Variants in DHX30 observed in about 807,000 individuals in gnomAD.
The protein encoded by DHX30 is DExH-box helicase 30.
Under a neutral mutation model 116.9 loss-of-function variants are expected in DHX30, and 4 were observed. That is an observed-to-expected ratio of 0.03 (90% CI 0.02 to 0.08). DHX30 has a LOEUF of 0.08. Among genes scored for constraint, DHX30 ranks in the 10% least tolerant of loss-of-function variants. The probability of loss-of-function intolerance (pLI) is 1.00; values close to 1 mark genes in which losing one functional copy is unlikely to be tolerated. For missense variants in DHX30, 871 were observed against 1,595.1 expected, an observed-to-expected ratio of 0.55 and a Z score of 7.73; for synonymous variants, 697 against 651.7, an observed-to-expected ratio of 1.07 and a Z score of -1.06.
chr3:47,804,054 G>C (rs1415819672), intron 1 of DHX30, among the ~76,000 whole-genome samples: 1 of 152,168 alleles, frequency 6.6e-6, no homozygotes, highest in Admixed American at 6.5e-5. Context: ...GACGTTGTCT[G>C]GTGATTTCCC....
At position 47,846,188 on chromosome 3, in the gene DHX30, C is replaced by A. The variant is rs769188625; in HGVS notation, c.1116C>A (p.Ile372=). ...LNHYPVESSW[I]APELRLQSDD... The stretch of plus-strand genomic sequence containing the variant: ...AGTACCCTGTGGAGAGTTCATGGAT[C>A]GCCCCAGAACTCCGGCTGCAGAGTG... Residue 372 remains isoleucine, a synonymous_variant, in exon 11 of 22, where the codon ATC becomes ATA. Transcript: ENST00000445061. 8 of 1,613,346 alleles carry A rather than the reference C, an allele frequency of 5.0e-6. No individual in the cohort carries two copies. The highest frequency in any genetic ancestry group is 6.8e-6 in the Non-Finnish European group (8 of 1,179,934).
intron 3 of DHX30, among the ~76,000 whole-genome samples, chr3:47,813,480 G>T (rs1409228762): frequency 6.6e-6 from 1 of 152,236 alleles, no homozygotes; most frequent in East Asian, 1.9e-4. Flanking sequence ...AGGAGGTAAA[G>T]TAGCCTGTGG....
chr3:47,825,316 C>A, intron 4 of DHX30: 1 of 536,366 alleles, frequency 1.9e-6, no homozygotes, highest in South Asian at 2.3e-5. Flanking sequence ...GCTAGGGGCG[C>A]GGGCCGAAAT....
rs767008060 is a variant in DHX30 at position 47,848,987 on chromosome 3, GGGA to G, written c.2843_2845del (p.Glu948del). On this transcript the variant is annotated inframe_deletion, in exon 18 of 22. Transcript: ENST00000445061. This position sits in a 1 kb window ranked among gnomAD's most constrained non-coding sequence, Gnocchi z 9.4. ...GCCTTTGTGCGGGCTGTCGCCGGCT[GGGA>G]GGAGGTGCTGCGTTGGCAGGACCGC... 2 of 1,613,574 alleles carry G rather than the reference GGGA, an allele frequency of 1.2e-6. No individual in the cohort carries two copies. The highest frequency in any genetic ancestry group is 1.7e-6 in the Non-Finnish European group (2 of 1,179,802).
intron 4 of DHX30, among the ~76,000 whole-genome samples, chr3:47,823,680 A>T (rs2036402940): frequency 6.6e-6 from 1 of 151,928 alleles, no homozygotes; most frequent in Admixed American, 6.6e-5. Flanking sequence ...TTTAACATAA[A>T]AATCTAAACA....
At chr3:47,837,049 A>G (rs1481532139) in intron 6 of DHX30, among the ~76,000 whole-genome samples, 1 of 152,200 alleles carries the variant, frequency 6.6e-6, no homozygotes, top group Non-Finnish European at 1.5e-5. Context: ...CACAGCCAAG[A>G]AGAAGGTGTC....
intron 6 of DHX30, among the ~76,000 whole-genome samples, chr3:47,840,419 C>T (rs1487783441): frequency 6.6e-6 from 1 of 151,662 alleles, no homozygotes; most frequent in East Asian, 2.0e-4. Context: ...CCAAGGCGGG[C>T]GGATCTGTTG....
At chr3:47,834,077 T>A (rs2036993719) in intron 6 of DHX30, among the ~76,000 whole-genome samples, 1 of 152,118 alleles carries the variant, frequency 6.6e-6, no homozygotes, top group Admixed American at 6.6e-5. Flanking sequence ...TTATTTTAGA[T>A]TCCACATATG....
chr3:47,841,371 T>C (rs1351117206), intron 7 of DHX30, among the ~76,000 whole-genome samples, 193 bp downstream of exon 7: 1 of 152,212 alleles, frequency 6.6e-6, no homozygotes, highest in Non-Finnish European at 1.5e-5. Context: ...TGGCTGGGCT[T>C]TTGCAGAACA....
chr3:47,841,234 G>T, intron 7 of DHX30, 56 bp downstream of exon 7: 1 of 1,590,434 alleles, frequency 6.3e-7, no homozygotes, highest in South Asian at 1.1e-5. Flanking sequence ...ACACGGGGAT[G>T]GGCGAATGTT....
In DHX30 at chr3:47,846,960, T is replaced by A; in HGVS notation, c.1888T>A (p.Leu630Met). ...EHYLEDILAK[L>M]GKHQYLHRHR... is the part of the protein sequence containing the mutation. ...CTACCTAGAGGACATCCTGGCCAAG[T>A]TGGGCAAGCACCAGTACCTGCACCG... The change falls in exon 11 of 22, where the codon TTG (leucine) becomes ATG (methionine). Residue 630 changes from leucine (L) to methionine (M), a missense_variant. By Grantham distance (15) the Leu-to-Met change is conservative (BLOSUM62 2). Around this residue, in one of 13 missense-constraint regions of DHX30, gnomAD observed 61 missense variants for 106.7 expected, o/e 0.57. Coordinates refer to ENST00000445061, the MANE Select transcript of DHX30 (RefSeq NM_138615.3). The A allele has an allele frequency of 6.2e-7, 1 of 1,613,494 alleles. No individual in the cohort carries two copies. The highest frequency in any genetic ancestry group is 8.5e-7 in the Non-Finnish European group (1 of 1,179,970).
intron 6 of DHX30, among the ~76,000 whole-genome samples, chr3:47,838,959 G>A (rs913723835): frequency 1.3e-5 from 2 of 151,586 alleles, no homozygotes; most frequent in African/African-American, 2.4e-5. Flanking sequence ...CTGCAGCCTC[G>A]ATCTGTAGGC....
chr3:47,816,574 T>G (rs1191285075), intron 3 of DHX30: 1 of 969,482 alleles, frequency 1.0e-6, no homozygotes, highest in Non-Finnish European at 1.2e-6. Context: ...GCCAGGATGG[T>G]CTCGATCTCT....
intron 4 of DHX30, among the ~76,000 whole-genome samples, chr3:47,821,208 A>G (rs1215529723): frequency 6.6e-6 from 1 of 152,112 alleles, no homozygotes; most frequent in African/African-American, 2.4e-5. Flanking sequence ...TGCCTGCCTC[A>G]GCCTCCCAAA....
chr3:47,833,537 C>CAAAAAAAAAA (rs71070236), intron 6 of DHX30, among the ~76,000 whole-genome samples: 1 of 62,458 alleles, frequency 1.6e-5, no homozygotes, highest in Non-Finnish European at 2.8e-5. Flanking sequence ...CTCTCTCTCT[C>CAAAAAAAAAA]AAAAAAAAAA....
At chr3:47,824,239 G>T (rs1487803455) in intron 4 of DHX30, among the ~76,000 whole-genome samples, 2 of 151,948 alleles carry the variant, frequency 1.3e-5, no homozygotes, top group Admixed American at 6.6e-5. Context: ...CTGACCTCAG[G>T]TGATCTGCCT....
rs1297949524 is a variant in DHX30, at chr3:47,806,300, C to T, written c.-28+880C>T. Among the ~76,000 whole-genome samples the T allele has an allele frequency of 5.3e-5, 8 of 151,194 alleles. No individual in the cohort carries two copies. The East Asian group carries it at 9.7e-4, about 18-fold the overall frequency. ...CTGGGATTACAGGTGCGCACCACCA[C>T]GCCTGGCTTATTTTTGTATTTTTAG... On this transcript the variant is annotated intron_variant, in intron 2 of 21. Transcript: ENST00000445061.
intron 4 of DHX30, 35 bp from the exon 5 acceptor site, chr3:47,827,312 G>T (rs147452151): frequency 1.9e-6 from 3 of 1,577,694 alleles, no homozygotes; most frequent in African/African-American, 2.7e-5. Context: ...AAAAGAAAAA[G>T]AACAACTGTA....
At position 47,849,834 on chromosome 3, in the gene DHX30, C is replaced by G. The variant is rs752686868; in HGVS notation, c.3332-33C>G. On this transcript the variant is annotated intron_variant, in intron 21 of 21. Transcript: ENST00000445061. Reference sequence around the variant, plus strand: ...CTGCTCCTCCGGGGCCTGGCCTCACCACAGTTCCCCACCATCTTTTCCATT... The same window carrying G: ...CTGCTCCTCCGGGGCCTGGCCTCACGACAGTTCCCCACCATCTTTTCCATT... The G allele has an allele frequency of 2.5e-6, 4 of 1,609,566 alleles. No individual in the cohort carries two copies. The Admixed American group carries it at 6.7e-5, about 27-fold the overall frequency.
Sources: gnomAD v4.1 joint callset for allele counts (sites outside exome capture counted in the v4.1 genomes callset) on GRCh38, gnomAD v4.1.1 for gene constraint, gnomAD v4.1.1 regional missense constraint, Gnocchi (gnomAD v3.1) non-coding constraint, MANE v1.5 for transcripts, NCBI Gene and HGNC (gene_info 2026-07-23, HGNC 2026-07-21) for gene names.